CFAP141: variants seen among roughly 807,000 people sequenced by gnomAD.
The protein encoded by CFAP141 is cilia- and flagella-associated protein 141.
At chr1:154,200,567 G>T in the CFAP141 span, 4 of 1,614,156 alleles carry the variant, frequency 2.5e-6, no homozygotes, top group Non-Finnish European at 3.4e-6. Flanking sequence ...GCCACAGACA[G>T]TGAGTATGTG....
the CFAP141 span, among the ~76,000 whole-genome samples, chr1:154,201,098 C>G: frequency 6.6e-6 from 1 of 152,100 alleles, no homozygotes; most frequent in African/African-American, 2.4e-5. Context: ...TTAATCATTA[C>G]AGTAACTATG....
chr1:154,205,126 C>A, the CFAP141 span, among the ~76,000 whole-genome samples: 2 of 152,124 alleles, frequency 1.3e-5, no homozygotes, highest in Non-Finnish European at 1.5e-5. Context: ...TCAGGCAATC[C>A]TCCTGCCTCA....
the CFAP141 span, among the ~76,000 whole-genome samples, chr1:154,201,934 G>A: frequency 6.7e-6 from 1 of 149,902 alleles, no homozygotes; most frequent in Non-Finnish European, 1.5e-5. Context: ...CCACGCCCAG[G>A]TAATTTTTTT....
the CFAP141 span, chr1:154,199,252 T>A: frequency 4.7e-6 from 2 of 427,838 alleles, no homozygotes; most frequent in Non-Finnish European, 4.3e-6. Flanking sequence ...GTTTCCCAAA[T>A]AGCGGCAAAG....
the CFAP141 span, among the ~76,000 whole-genome samples, chr1:154,203,837 G>A: frequency 6.6e-6 from 1 of 152,296 alleles, no homozygotes; most frequent in South Asian, 2.1e-4. Flanking sequence ...CACTTTGGGA[G>A]GCCAAGGCAG....
chr1:154,204,182 TTAAGA>T, the CFAP141 span, among the ~76,000 whole-genome samples: 80 of 152,324 alleles, frequency 5.3e-4, 2 homozygotes, highest in Admixed American at 5.0e-3. Context: ...GTATGTATAT[TTAAGA>T]TAAATTCCTA....
the CFAP141 span, among the ~76,000 whole-genome samples, chr1:154,204,431 CTTAT>C: frequency 1.1e-4 from 16 of 152,078 alleles, no homozygotes; most frequent in Admixed American, 2.0e-4. Context: ...GGCATCAGTG[CTTAT>C]TTATTTATTT....
At chr1:154,199,613 ATT>A in the CFAP141 span, 1 of 904,538 alleles carries the variant, frequency 1.1e-6, no homozygotes, top group Admixed American at 2.4e-5. Flanking sequence ...TTTTCCCATT[ATT>A]TGTGTTCTCT....
chr1:154,202,077 TTG>T, the CFAP141 span, among the ~76,000 whole-genome samples: 8 of 152,060 alleles, frequency 5.3e-5, no homozygotes, highest in South Asian at 1.7e-3. Flanking sequence ...GCTGGGATTA[TTG>T]GTGCATGCCA....
At chr1:154,200,604 AGG>A in the CFAP141 span, 2 of 1,613,588 alleles carry the variant, frequency 1.2e-6, no homozygotes, top group Admixed American at 1.7e-5. Context: ...CCAGGTACAG[AGG>A]TGGGGGTTGA....
the CFAP141 span, chr1:154,205,579 G>A: frequency 1.9e-6 from 3 of 1,611,896 alleles, no homozygotes; most frequent in African/African-American, 1.3e-5. Context: ...GGTAAAGGGA[G>A]GGGATAGAAG....
chr1:154,206,277 C>G, the CFAP141 span: 1 of 1,614,082 alleles, frequency 6.2e-7, no homozygotes. Context: ...CTGCATACCT[C>G]TTCTACTTTT....
the CFAP141 span, chr1:154,205,709 CTT>C: frequency 1.3e-3 from 1,441 of 1,131,228 alleles, no homozygotes; most frequent in Non-Finnish European, 1.4e-3. Flanking sequence ...AGACATAGAC[CTT>C]TTTTTTTTTT....
chr1:154,201,749 C>T, the CFAP141 span, among the ~76,000 whole-genome samples: 2 of 151,902 alleles, frequency 1.3e-5, no homozygotes, highest in Non-Finnish European at 2.9e-5. Flanking sequence ...TCAGCCCTGG[C>T]TAGACTGGAA....
chr1:154,205,609 CTTCT>C, the CFAP141 span: 9 of 1,613,794 alleles, frequency 5.6e-6, no homozygotes, highest in African/African-American at 1.2e-4. Flanking sequence ...TGTCGACCGT[CTTCT>C]TAAGTCCCAT....
the CFAP141 span, chr1:154,200,668 G>A: frequency 7.0e-7 from 1 of 1,427,900 alleles, no homozygotes; most frequent in Non-Finnish European, 9.6e-7. Context: ...GAGTGAGGCT[G>A]TTTCTTTTTT....
At chr1:154,201,390 C>CT in the CFAP141 span, among the ~76,000 whole-genome samples, 9,361 of 135,242 alleles carry the variant, frequency 0.069, 995 homozygotes, top group African/African-American at 0.23. Context: ...TCAAATCCAG[C>CT]TTTTTTTTTT....
the CFAP141 span, among the ~76,000 whole-genome samples, chr1:154,202,427 T>A: frequency 6.6e-6 from 1 of 152,172 alleles, no homozygotes; most frequent in Non-Finnish European, 1.5e-5. Flanking sequence ...ATCATGCATG[T>A]ACATATATCT....
chr1:154,205,625 G>C, the CFAP141 span: 115 of 1,613,852 alleles, frequency 7.1e-5, no homozygotes, highest in Non-Finnish European at 9.1e-5. Flanking sequence ...AAGTCCCATG[G>C]CCTTTTGAAA....
Sources: allele counts gnomAD v4.1 joint callset (sites outside exome capture counted in the v4.1 genomes callset), GRCh38; gene constraint gnomAD v4.1.1; transcripts MANE v1.5; gene names NCBI Gene and HGNC (gene_info 2026-07-23, HGNC 2026-07-21).